SEC16A: variants seen among roughly 807,000 people sequenced by gnomAD.
SEC16A encodes protein transport protein Sec16A.
Under a neutral mutation model 221.9 loss-of-function variants are expected in SEC16A, and 110 were observed. The ratio of observed to expected loss-of-function variants is 0.50; its 90% CI spans 0.42 to 0.58. The LOEUF (loss-of-function observed/expected upper bound fraction) is 0.58, where lower values mean the gene tolerates loss of function less well. Among genes scored for constraint, SEC16A ranks in the 20% least tolerant of loss-of-function variants. The pLI, the probability that SEC16A is intolerant of heterozygous loss-of-function variation, is 0.00. For missense variants in SEC16A, 3,165 were observed against 3,097.8 expected (o/e 1.02, Z -0.52); for synonymous variants, 1,393 against 1,257.7 (o/e 1.11, Z -2.28).
At chr9:136,484,349 C>T (rs897441909), upstream of SEC16A, 8 of 1,148,976 alleles carry the variant, frequency 7.0e-6, no homozygotes, top group African/African-American at 1.6e-5. Flanking sequence ...CATCCACGCC[C>T]TCCCGCGGAA....
At chr9:136,484,693 G>A (rs1476678727), upstream of SEC16A, 11 of 1,366,380 alleles carry the variant, frequency 8.1e-6, no homozygotes, top group African/African-American at 4.4e-5. Flanking sequence ...GGCCGCAGGC[G>A]GTGCAGGGAG....
In SEC16A at chr9:136,466,060, T is replaced by C. The variant is rs761411387; in HGVS notation, c.4205A>G (p.Asp1402Gly). The change falls in exon 8 of 32, where the codon GAT becomes GGT. Residue 1402 changes from aspartate (D) to glycine (G), a missense_variant. Physicochemically the swap from Asp to Gly is moderately conservative, Grantham distance 94. Coordinates refer to ENST00000684901, the MANE Select transcript of SEC16A (RefSeq NM_014866.2). The surrounding 1 kb of genome is among the most constrained non-coding windows in gnomAD (Gnocchi z 5.5). Reference sequence around the variant, plus strand: ...GCTGCGGTAGGTGCCGTAGGCAAAATCGCCGTGAAAGGAGCCTGGAGGAAG... The same window carrying C: ...GCTGCGGTAGGTGCCGTAGGCAAAACCGCCGTGAAAGGAGCCTGGAGGAAG... ...APLPPGSFHG[D>G]FAYGTYRSNF... 2 of 1,613,086 alleles carry C rather than the reference T, an allele frequency of 1.2e-6. No individual in the cohort carries two copies. The highest frequency in any genetic ancestry group is 1.3e-5 in the African/African-American group (1 of 74,882).
chr9:136,471,988 G>C lies in SEC16A; in HGVS notation c.3691C>G (p.Arg1231Gly), dbSNP rs201366882. ...PSSRASHSSE[R>G]PPPRQGYPEG... ...GCGCGGCCGCACCTGGGAGGTGGCCGTTCCGAGGAGTGGCTGGCTCGGGAG... is the reference window on the plus strand; with the variant it reads ...GCGCGGCCGCACCTGGGAGGTGGCCCTTCCGAGGAGTGGCTGGCTCGGGAG... Residue 1231 changes from arginine to glycine, a missense_variant, in exon 4 of 32, where the codon CGG (arginine) becomes GGG (glycine). Physicochemically the swap from Arg to Gly is moderately radical, Grantham distance 125. Coordinates refer to ENST00000684901, the MANE Select transcript of SEC16A (RefSeq NM_014866.2). 5.6e-6 allele frequency: 9 copies of C among 1,612,008 alleles called. No individual in the cohort carries two copies. Among genetic ancestry groups the C allele is most frequent in the African/African-American group, 1.3e-5 (1 of 74,928 alleles).
At chr9:136,467,125 A>G (rs753314661) in intron 5 of SEC16A, 42 bp from the exon 6 acceptor site, 3 of 1,611,750 alleles carry the variant, frequency 1.9e-6, no homozygotes, top group Non-Finnish European at 2.5e-6. Flanking sequence ...AACATGCAAA[A>G]GAAGAAATGC....
intron 23 of SEC16A, chr9:136,448,738 G>C: frequency 2.8e-6 from 2 of 704,388 alleles, no homozygotes; most frequent in East Asian, 5.5e-5. Context: ...GACACCAGGA[G>C]GATGGAGGTG....
intron 21 of SEC16A, 33 bp from the exon 22 acceptor site, chr9:136,453,543 A>T (rs779316125): frequency 6.5e-7 from 1 of 1,546,944 alleles, no homozygotes; most frequent in Non-Finnish European, 8.9e-7. Context: ...CTATGATCTC[A>T]GTCACGAGAA....
Position 136,450,341 on chromosome 9 carries a change from G to A in SEC16A, c.6312+915C>T, listed in dbSNP as rs564796463. Among the ~76,000 whole-genome samples, 8 of 152,194 alleles carry A rather than the reference G, an allele frequency of 5.3e-5. No homozygotes were observed. In the South Asian group the frequency reaches 1.7e-3, roughly 32 times the overall value. ...TACAGAAAGGACTCCTGCAAGTCCTGAAGAGAACACCATTAAAAATGGAAA... is the reference window on the plus strand; with the variant it reads ...TACAGAAAGGACTCCTGCAAGTCCTAAAGAGAACACCATTAAAAATGGAAA... On this transcript the variant is annotated intron_variant, in intron 23 of 31. Transcript: ENST00000684901.
In SEC16A at chr9:136,466,191, T is replaced by C; in HGVS notation, c.4129-55A>G. 6.4e-7 allele frequency: 1 copy of C among 1,568,382 alleles called. No homozygotes were observed. The highest frequency in any genetic ancestry group is 8.7e-7 in the Non-Finnish European group (1 of 1,154,612). ...AATTCCCCAGGCACAGCAGTAAAAC[T>C]TTAGGTACATTGCAAACAGGATGGT... On this transcript the variant is annotated intron_variant, in intron 7 of 31. Coordinates refer to ENST00000684901, the MANE Select transcript of SEC16A (RefSeq NM_014866.2). The surrounding 1 kb of genome is among the most constrained non-coding windows in gnomAD (Gnocchi z 5.5).
Position 136,463,050 on chromosome 9 carries a change from G to T in SEC16A, c.4730C>A (p.Ala1577Glu). Reference sequence around the variant, plus strand: ...CTCATTCGTGAAATCAATCAGGTTTGCTTCATTGGGCGACTTCCCAGGAAG... The same window carrying T: ...CTCATTCGTGAAATCAATCAGGTTTTCTTCATTGGGCGACTTCCCAGGAAG... ...VWLPGKSPNE[A>E]NLIDFTNEAV... is the part of the protein sequence containing the mutation. The change falls in exon 12 of 32, where the codon GCA (alanine) becomes GAA (glutamate). Residue 1577 changes from alanine (A) to glutamate (E), a missense_variant. By Grantham distance (107) the Ala-to-Glu change is moderately radical (BLOSUM62 -1). This residue lies in a region of SEC16A where 1,088 missense variants were observed against 1,089.6 expected (regional missense o/e 1.00). Coordinates refer to ENST00000684901, the MANE Select transcript of SEC16A (RefSeq NM_014866.2). 1 of 1,612,650 alleles carries T rather than the reference G, an allele frequency of 6.2e-7. No homozygotes were observed. Among genetic ancestry groups the T allele is most frequent in the Non-Finnish European group, 8.5e-7 (1 of 1,179,898 alleles).
chr9:136,455,853 C>T (rs562558731), intron 19 of SEC16A, 60 bp from the exon 20 acceptor site: 49 of 1,472,640 alleles, frequency 3.3e-5, no homozygotes, highest in East Asian at 4.9e-5. Flanking sequence ...CAGCGCTGCC[C>T]GCCTGCCACC....
At chr9:136,445,525 C>G (rs1836850875) in intron 29 of SEC16A, 120 bp downstream of exon 29, 2 of 760,018 alleles carry the variant, frequency 2.6e-6, no homozygotes, top group Admixed American at 2.9e-5. Context: ...TCGAGGTGCT[C>G]TTGTTTCTAA....
chr9:136,484,535 C>T (rs375090289), upstream of SEC16A: 30 of 1,289,736 alleles, frequency 2.3e-5, no homozygotes, highest in Non-Finnish European at 2.9e-5. Context: ...AGAGGGCAGG[C>T]GCCGTGGTGG....
At chr9:136,465,665 G>A (rs930760532) in intron 8 of SEC16A, among the ~76,000 whole-genome samples, 4 of 152,232 alleles carry the variant, frequency 2.6e-5, no homozygotes, top group African/African-American at 7.2e-5. Context: ...CGGGGTCTGC[G>A]ATGGGGATGT....
At chr9:136,460,272 T>C (rs896958567) in intron 13 of SEC16A, 149 bp from the exon 14 acceptor site, 3 of 600,758 alleles carry the variant, frequency 5.0e-6, no homozygotes, top group Non-Finnish European at 8.8e-6. Flanking sequence ...GAGACTAACA[T>C]GGAGAAACCC....
chr9:136,440,667 A>C lies in SEC16A; in HGVS notation c.*1088T>G, dbSNP rs1264353150. The C allele has an allele frequency of 6.6e-6, 1 of 152,578 alleles. No individual in the cohort carries two copies. The highest frequency in any genetic ancestry group is 2.4e-5 in the African/African-American group (1 of 41,454). The allele number at this position is 152,578 out of a possible 1,614,324, so 9.5% of individuals were successfully genotyped here. On this transcript the variant is annotated 3_prime_UTR_variant, in exon 32 of 32. Transcript: ENST00000684901. ...CTCTGAGTTGAACAGGGTTGAGTCCACCAGGAGCTACTCAAAGTCTCAGTG... is the reference window on the plus strand; with the variant it reads ...CTCTGAGTTGAACAGGGTTGAGTCCCCCAGGAGCTACTCAAAGTCTCAGTG...
Position 136,464,415 on chromosome 9 carries a change from A to G in SEC16A, c.4446+5T>C, listed in dbSNP as rs1256323102. ...GTGACGCCACGCTTCTGCGTGTGCC[A>G]TTACCTCCATGCTGTGGACCTCCAC... On this transcript the variant is annotated splice_donor_5th_base_variant and intron_variant, in intron 9 of 31. Transcript: ENST00000684901. 1.2e-6 allele frequency: 2 copies of G among 1,601,608 alleles called. No homozygotes were observed. Among genetic ancestry groups the G allele is most frequent in the East Asian group, 2.2e-5 (1 of 44,592 alleles).
chr9:136,441,684 G>T lies in SEC16A; in HGVS notation c.*71C>A. 1 of 1,417,848 alleles carries T rather than the reference G, an allele frequency of 7.1e-7. No homozygotes were observed. Among genetic ancestry groups the T allele is most frequent in the Non-Finnish European group, 1.0e-6 (1 of 1,004,974 alleles). 87.8% of individuals were successfully genotyped at this position (1,417,848 alleles called of 1,614,324 possible). A position where few individuals can be genotyped will look rare whatever the true frequency, so the allele number is the denominator to read the frequency against. On this transcript the variant is annotated 3_prime_UTR_variant, in exon 32 of 32. Transcript: ENST00000684901. ...CCCTGGGGGCGGGACGGAGATCGCG[G>T]AGGTCGGTCGGGTTCTTCGGGGAGA...
At chr9:136,463,376 C>G in intron 11 of SEC16A, 87 bp downstream of exon 11, 1 of 1,532,642 alleles carries the variant, frequency 6.5e-7, no homozygotes, top group Non-Finnish European at 8.9e-7. Flanking sequence ...ACGCGGATCC[C>G]GCCCTGCTCC....
At chr9:136,456,969 C>T (rs530191245) in intron 18 of SEC16A, among the ~76,000 whole-genome samples, 44 of 152,072 alleles carry the variant, frequency 2.9e-4, no homozygotes, top group African/African-American at 1.0e-3. Context: ...GTCAAGAGTT[C>T]GAGACCAGCC....
Sources: gnomAD v4.1 joint callset for allele counts (sites outside exome capture counted in the v4.1 genomes callset) on GRCh38, gnomAD v4.1.1 for gene constraint, gnomAD v4.1.1 regional missense constraint, Gnocchi (gnomAD v3.1) non-coding constraint, MANE v1.5 for transcripts, NCBI Gene and HGNC (gene_info 2026-07-23, HGNC 2026-07-21) for gene names.